The following CACNA2D3 variants were observed in gnomAD, a reference collection of about 807,000 sequenced individuals.
CACNA2D3 encodes the protein calcium voltage-gated channel auxiliary subunit alpha2delta 3.
A neutral mutation model predicts 160.6 loss-of-function variants in CACNA2D3; 60 were observed. That is an observed-to-expected ratio of 0.37 (90% CI 0.30 to 0.46). The LOEUF is 0.46. CACNA2D3 is among the 20% of genes least tolerant of loss of function. The pLI, the probability that CACNA2D3 is intolerant of heterozygous loss-of-function variation, is 1.00. For missense variants in CACNA2D3, 1,205 were observed against 1,365.0 expected, an observed-to-expected ratio of 0.88 and a Z score of 1.85; for synonymous variants, 558 against 492.9, an observed-to-expected ratio of 1.13 and a Z score of -1.75.
chr3:55,042,567 A>G (rs1703980016), intron 35 of CACNA2D3, among the ~76,000 whole-genome samples: 1 of 152,038 alleles, frequency 6.6e-6, no homozygotes, highest in African/African-American at 2.4e-5. Flanking sequence ...GAAACAGCAT[A>G]TGTTTTGGTC....
intron 35 of CACNA2D3, among the ~76,000 whole-genome samples, chr3:55,033,726 A>AATATATTTTATAAATATATAAT (rs1559469402): frequency 1.6e-3 from 197 of 124,848 alleles, no homozygotes; most frequent in South Asian, 3.5e-3. Context: ...TTATATATTA[A>AATATATTTTATAAATATATAAT]ATATATTTTA....
intron 30 of CACNA2D3, among the ~76,000 whole-genome samples, chr3:54,986,516 G>A (rs934262148): frequency 2.6e-5 from 4 of 152,186 alleles, no homozygotes; most frequent in African/African-American, 9.7e-5. Flanking sequence ...AGTGAAAAAG[G>A]AAGTGGTCAA....
intron 2 of CACNA2D3, among the ~76,000 whole-genome samples, chr3:54,310,123 T>A (rs1261220371): frequency 1.3e-5 from 2 of 152,046 alleles, no homozygotes; most frequent in Non-Finnish European, 2.9e-5. Context: ...TTGGAGACAC[T>A]AGATTGGAAT....
chr3:54,859,318 A>G (rs1699234806), intron 17 of CACNA2D3, among the ~76,000 whole-genome samples: 1 of 152,202 alleles, frequency 6.6e-6, no homozygotes, highest in Non-Finnish European at 1.5e-5. Context: ...TTCATTGAGG[A>G]ATGTGCTCCA....
intron 11 of CACNA2D3, among the ~76,000 whole-genome samples, chr3:54,707,168 T>A (rs1373445538): frequency 6.6e-6 from 1 of 152,186 alleles, no homozygotes; most frequent in Non-Finnish European, 1.5e-5. Context: ...GAACAATTCA[T>A]TAGGGTGAGT....
At chr3:54,829,250 C>T (rs924157232) in intron 14 of CACNA2D3, among the ~76,000 whole-genome samples, 1 of 152,128 alleles carries the variant, frequency 6.6e-6, no homozygotes, top group African/African-American at 2.4e-5. Context: ...TGTATCTCTA[C>T]TGGGGGTGTG....
At chr3:54,296,407 T>A (rs1427009722) in intron 2 of CACNA2D3, among the ~76,000 whole-genome samples, 1 of 152,218 alleles carries the variant, frequency 6.6e-6, no homozygotes, top group Non-Finnish European at 1.5e-5. Context: ...TTCCATCACA[T>A]AGACCCAGGT....
chr3:54,838,610 C>T lies in CACNA2D3; in HGVS notation c.1513C>T (p.Pro505Ser), dbSNP rs766838375. ...ILLGVVGTDV[P>S]VKELLKTIPK... ...TCTGGGAGTGGTTGGCACAGATGTC[C>T]CAGTGAAAGAACTTCTGAAGACCAT... is the stretch of plus-strand genomic sequence containing the variant. Residue 505 changes from proline to serine, a missense_variant, in exon 16 of 38, where the codon CCA (proline) becomes TCA (serine). By Grantham distance (74) the Pro-to-Ser change is moderately conservative (BLOSUM62 -1). Coordinates refer to ENST00000474759, the MANE Select transcript of CACNA2D3 (RefSeq NM_018398.3). The T allele has an allele frequency of 1.9e-6, 3 of 1,613,468 alleles. No homozygotes were observed. The highest frequency in any genetic ancestry group is 1.1e-5 in the South Asian group (1 of 91,060).
chr3:54,326,254 A>G (rs543432892), intron 3 of CACNA2D3, among the ~76,000 whole-genome samples: 1 of 152,272 alleles, frequency 6.6e-6, no homozygotes, highest in Non-Finnish European at 1.5e-5. Context: ...AGAAAAATGG[A>G]TTTTTCTCTC....
chr3:54,930,789 A>G (rs1220509806), intron 27 of CACNA2D3, among the ~76,000 whole-genome samples: 4 of 152,212 alleles, frequency 2.6e-5, no homozygotes, highest in African/African-American at 4.8e-5. Context: ...TATCTGGTAG[A>G]GCAAAAGATC....
chr3:54,901,518 A>G (rs1700332449), intron 27 of CACNA2D3, among the ~76,000 whole-genome samples: 2 of 152,110 alleles, frequency 1.3e-5, no homozygotes, highest in African/African-American at 4.8e-5. Context: ...ATGCCAGTCT[A>G]TTGTCGAGTT....
At chr3:54,178,584 A>C (rs1362467037) in intron 2 of CACNA2D3, among the ~76,000 whole-genome samples, 1 of 152,190 alleles carries the variant, frequency 6.6e-6, no homozygotes, top group Non-Finnish European at 1.5e-5. Flanking sequence ...GCTGTTTCTG[A>C]GGGCTGTCTT....
intron 4 of CACNA2D3, among the ~76,000 whole-genome samples, chr3:54,412,806 A>G (rs776563966): frequency 6.6e-6 from 1 of 151,414 alleles, no homozygotes; most frequent in Non-Finnish European, 1.5e-5. Flanking sequence ...TAATTTCTCT[A>G]TTGTCTTTAA....
intron 2 of CACNA2D3, among the ~76,000 whole-genome samples, chr3:54,139,275 C>T (rs1038367987): frequency 1.3e-5 from 2 of 152,262 alleles, no homozygotes; most frequent in Admixed American, 1.3e-4. Context: ...TGCCCTGCAG[C>T]TGTCTGCATC....
intron 4 of CACNA2D3, among the ~76,000 whole-genome samples, chr3:54,475,632 C>G (rs953584367): frequency 6.6e-6 from 1 of 152,174 alleles, no homozygotes; most frequent in African/African-American, 2.4e-5. Flanking sequence ...TGTCTACAAT[C>G]AGCCTTGCCC....
chr3:54,716,031 A>G (rs1176706251), intron 11 of CACNA2D3, among the ~76,000 whole-genome samples: 1 of 151,202 alleles, frequency 6.6e-6, no homozygotes, highest in Non-Finnish European at 1.5e-5. Flanking sequence ...AATCATTACA[A>G]CATGTATATG....
intron 2 of CACNA2D3, among the ~76,000 whole-genome samples, chr3:54,132,860 T>C (rs1017643045): frequency 1.3e-5 from 2 of 152,114 alleles, no homozygotes; most frequent in Non-Finnish European, 2.9e-5. Context: ...TGAGCCTCAG[T>C]GTTCGCACCT....
chr3:55,061,142 T>G (rs1328556641), intron 35 of CACNA2D3, among the ~76,000 whole-genome samples: 1 of 152,260 alleles, frequency 6.6e-6, no homozygotes, highest in Non-Finnish European at 1.5e-5. Flanking sequence ...CAAAGCATCC[T>G]TCTGGCTTTT....
intron 27 of CACNA2D3, among the ~76,000 whole-genome samples, chr3:54,948,861 T>C (rs188328448): frequency 6.6e-6 from 1 of 152,316 alleles, no homozygotes; most frequent in East Asian, 1.9e-4. Context: ...CAAACTCAGA[T>C]TGGTTTAAGC....
Sources: allele counts gnomAD v4.1 joint callset (sites outside exome capture counted in the v4.1 genomes callset), GRCh38; gene constraint gnomAD v4.1.1; transcripts MANE v1.5; gene names NCBI Gene and HGNC (gene_info 2026-07-23, HGNC 2026-07-21).